The following LHFPL6 variants were observed in gnomAD, a reference collection of about 807,000 sequenced individuals.
The protein encoded by LHFPL6 is LHFPL tetraspan subfamily member 6 protein.
Under a neutral mutation model 20.6 loss-of-function variants are expected in LHFPL6, and 9 were observed. The ratio of observed to expected loss-of-function variants is 0.44; its 90% CI spans 0.26 to 0.76. The LOEUF (loss-of-function observed/expected upper bound fraction) is 0.76, where lower values mean the gene tolerates loss of function less well. Ranked by LOEUF, LHFPL6 falls within the 30% of genes least tolerant of loss-of-function variation. The pLI is 0.20. For missense variants in LHFPL6, 218 were observed against 253.5 expected (o/e 0.86, Z 0.95); for synonymous variants, 105 against 98.7 (o/e 1.06, Z -0.38).
chr13:39,457,438 C>T (rs1593319957), intron 2 of LHFPL6, among the ~76,000 whole-genome samples: 1 of 152,158 alleles, frequency 6.6e-6, no homozygotes, highest in East Asian at 1.9e-4. Flanking sequence ...TATCACTACA[C>T]ACCTACTAGA....
In LHFPL6 at chr13:39,516,667, T is replaced by C. The variant is rs150893103; in HGVS notation, c.385+84165A>G. Among the ~76,000 whole-genome samples the C allele has an allele frequency of 2.9e-3, 448 of 152,360 alleles. 2 individuals carry two copies. Among genetic ancestry groups the C allele is most frequent in the African/African-American group, 0.01 (421 of 41,578 alleles). On this transcript the variant is annotated intron_variant, in intron 2 of 3. Transcript: ENST00000379589. ...GAAAGAAAACTCGTCTGAGCTAAGA[T>C]ATTAACATGCTCGATAACCTTGGCC...
chr13:39,559,134 T>A (rs1052894116), intron 2 of LHFPL6, among the ~76,000 whole-genome samples: 1 of 152,196 alleles, frequency 6.6e-6, no homozygotes, highest in Non-Finnish European at 1.5e-5. Context: ...GAAGTCTCAC[T>A]GACCGCCAAG....
intron 3 of LHFPL6, among the ~76,000 whole-genome samples, chr13:39,354,154 G>T (rs1869665919): frequency 6.6e-6 from 1 of 152,138 alleles, no homozygotes; most frequent in African/African-American, 2.4e-5. Context: ...GAGCCTATCT[G>T]CCAGCCCTTA....
chr13:39,567,598 T>C (rs1871768070), intron 2 of LHFPL6, among the ~76,000 whole-genome samples: 1 of 152,166 alleles, frequency 6.6e-6, no homozygotes, highest in African/African-American at 2.4e-5. Flanking sequence ...CCTCTCCTCT[T>C]CTACCTTTTC....
chr13:39,593,630 G>A (rs890158379), intron 2 of LHFPL6, among the ~76,000 whole-genome samples: 1 of 151,984 alleles, frequency 6.6e-6, no homozygotes, highest in Non-Finnish European at 1.5e-5. Context: ...AGTTCATATG[G>A]AACCAAAAAA....
intron 2 of LHFPL6, among the ~76,000 whole-genome samples, chr13:39,574,162 C>T (rs1331258337): frequency 2.0e-5 from 3 of 152,286 alleles, no homozygotes; most frequent in East Asian, 3.9e-4. Context: ...AAACAGGGCC[C>T]ACACTATCTT....
At chr13:39,393,390 A>T (rs1296980753) in intron 2 of LHFPL6, among the ~76,000 whole-genome samples, 1 of 152,246 alleles carries the variant, frequency 6.6e-6, no homozygotes, top group Non-Finnish European at 1.5e-5. Context: ...TATTTGTGTC[A>T]TGTTAGCAGC....
chr13:39,382,324 CT>C (rs1420405945), intron 2 of LHFPL6, among the ~76,000 whole-genome samples: 3 of 152,186 alleles, frequency 2.0e-5, no homozygotes, highest in Non-Finnish European at 2.9e-5. Context: ...AACTTTGTCT[CT>C]TGCGTTCTGT....
intron 2 of LHFPL6, among the ~76,000 whole-genome samples, chr13:39,397,476 T>C (rs1008896783): frequency 6.6e-6 from 1 of 152,250 alleles, no homozygotes; most frequent in African/African-American, 2.4e-5. Context: ...TCATAATTTA[T>C]ATTTAAATAG....
chr13:39,382,008 C>T (rs1870450140), intron 2 of LHFPL6, among the ~76,000 whole-genome samples: 1 of 152,124 alleles, frequency 6.6e-6, no homozygotes, highest in Non-Finnish European at 1.5e-5. Flanking sequence ...GTTACAGAAG[C>T]ATACTCCTAA....
At chr13:39,547,025 CT>C (rs1266415824) in intron 2 of LHFPL6, among the ~76,000 whole-genome samples, 2 of 152,010 alleles carry the variant, frequency 1.3e-5, no homozygotes. Context: ...TAACCACCCC[CT>C]GCCTCCAATT....
chr13:39,581,288 A>G (rs1872273905), intron 2 of LHFPL6, among the ~76,000 whole-genome samples: 1 of 152,176 alleles, frequency 6.6e-6, no homozygotes, highest in South Asian at 2.1e-4. Context: ...CACAAAGTAC[A>G]ATTGTCTGAA....
At chr13:39,569,746 T>C (rs1224044636) in intron 2 of LHFPL6, among the ~76,000 whole-genome samples, 1 of 152,244 alleles carries the variant, frequency 6.6e-6, no homozygotes, top group East Asian at 1.9e-4. Flanking sequence ...TGAAAAATTA[T>C]CACTAAAGGG....
intron 2 of LHFPL6, among the ~76,000 whole-genome samples, chr13:39,574,296 C>A (rs1178958986): frequency 6.6e-6 from 1 of 151,998 alleles, no homozygotes; most frequent in East Asian, 1.9e-4. Flanking sequence ...TCCTGGCTAA[C>A]ATGGTGAAAC....
At chr13:39,539,725 G>A (rs936921950) in intron 2 of LHFPL6, among the ~76,000 whole-genome samples, 3 of 152,158 alleles carry the variant, frequency 2.0e-5, no homozygotes, top group African/African-American at 7.2e-5. Context: ...GCTCATAAAT[G>A]AGCAATCCTT....
At chr13:39,574,210 C>G (rs554826566) in intron 2 of LHFPL6, among the ~76,000 whole-genome samples, 92 of 152,292 alleles carry the variant, frequency 6.0e-4, no homozygotes, top group Non-Finnish European at 1.1e-3. Flanking sequence ...AGGCCGGGCG[C>G]GGTGGCTCAC....
At chr13:39,376,996 C>T (rs1313205221) in intron 3 of LHFPL6, among the ~76,000 whole-genome samples, 3 of 152,164 alleles carry the variant, frequency 2.0e-5, no homozygotes, top group Non-Finnish European at 4.4e-5. Context: ...AAAGGATTAT[C>T]TGACCTTCCT....
chr13:39,586,838 A>C (rs1872463186), intron 2 of LHFPL6, among the ~76,000 whole-genome samples: 1 of 152,158 alleles, frequency 6.6e-6, no homozygotes, highest in Non-Finnish European at 1.5e-5. Context: ...GCCACTGAAA[A>C]GCTTCAATTT....
At chr13:39,437,806 G>A (rs376404140) in intron 2 of LHFPL6, among the ~76,000 whole-genome samples, 2 of 151,816 alleles carry the variant, frequency 1.3e-5, no homozygotes, top group African/African-American at 4.8e-5. Flanking sequence ...GGAGGCCGAG[G>A]CAGGAGAATG....
Sources: gnomAD v4.1 joint callset for allele counts (sites outside exome capture counted in the v4.1 genomes callset) on GRCh38, gnomAD v4.1.1 for gene constraint, MANE v1.5 for transcripts, NCBI Gene and HGNC (gene_info 2026-07-23, HGNC 2026-07-21) for gene names.